The following MARCHF1 variants were observed in gnomAD, a reference collection of about 807,000 sequenced individuals.
The protein encoded by MARCHF1 is membrane associated ring-CH-type finger 1, also known as E3 ubiquitin-protein ligase MARCHF1.
In MARCHF1, 40 loss-of-function variants were observed where a neutral mutation model predicts 54.2. The ratio of observed to expected loss-of-function variants is 0.74; its 90% CI spans 0.57 to 0.96. The LOEUF (loss-of-function observed/expected upper bound fraction) is 0.96, where lower values mean the gene tolerates loss of function less well. Among genes scored for constraint, MARCHF1 ranks in the 40% least tolerant of loss-of-function variants. The pLI is 0.00. For synonymous variants in MARCHF1, 236 were observed against 236.3 expected (o/e 1.00, Z 0.01); for missense variants, 586 against 656.5 (o/e 0.89, Z 1.17).
intron 3 of MARCHF1, among the ~76,000 whole-genome samples, chr4:163,944,450 G>C (rs1178524826): frequency 6.6e-6 from 1 of 152,158 alleles, no homozygotes; most frequent in Non-Finnish European, 1.5e-5. Context: ...AAGTGAGCAA[G>C]GTAACAGGAT....
At chr4:163,688,454 A>C (rs892668508) in intron 5 of MARCHF1, among the ~76,000 whole-genome samples, 1 of 152,196 alleles carries the variant, frequency 6.6e-6, no homozygotes, top group African/African-American at 2.4e-5. Context: ...CCTTTGAGTG[A>C]TCAATCTTTA....
intron 4 of MARCHF1, among the ~76,000 whole-genome samples, chr4:163,851,532 G>A (rs572559217): frequency 6.6e-6 from 1 of 152,230 alleles, no homozygotes; most frequent in Non-Finnish European, 1.5e-5. Flanking sequence ...GCTAACCAGA[G>A]ATCACGGATT....
At chr4:163,579,215 G>A (rs1054201219) in intron 8 of MARCHF1, among the ~76,000 whole-genome samples, 1 of 152,054 alleles carries the variant, frequency 6.6e-6, no homozygotes, top group Non-Finnish European at 1.5e-5. Context: ...ATAATTATTT[G>A]ATACATGTTG....
chr4:163,837,964 T>G (rs1384583675), intron 4 of MARCHF1, among the ~76,000 whole-genome samples: 2 of 152,128 alleles, frequency 1.3e-5, no homozygotes, highest in Non-Finnish European at 2.9e-5. Context: ...ACTAAAAACA[T>G]TCTTCAAAGT....
intron 1 of MARCHF1, among the ~76,000 whole-genome samples, chr4:164,185,836 T>C (rs1364133522): frequency 6.6e-6 from 1 of 151,722 alleles, no homozygotes; most frequent in East Asian, 1.9e-4. Context: ...CAAGACAATA[T>C]TTAAAGTTCT....
chr4:164,235,764 A>T (rs1732534417), intron 1 of MARCHF1, among the ~76,000 whole-genome samples: 1 of 151,474 alleles, frequency 6.6e-6, no homozygotes, highest in Non-Finnish European at 1.5e-5. Context: ...CCTGGGGATA[A>T]AAAAAACCAG....
intron 4 of MARCHF1, among the ~76,000 whole-genome samples, chr4:163,848,412 TG>T (rs1271927319): frequency 6.6e-6 from 1 of 152,168 alleles, no homozygotes; most frequent in Non-Finnish European, 1.5e-5. Context: ...ATTATAGGAG[TG>T]TAATTTTCTC....
intron 2 of MARCHF1, among the ~76,000 whole-genome samples, chr4:164,046,334 A>G (rs1754243489): frequency 6.6e-6 from 1 of 152,262 alleles, no homozygotes; most frequent in African/African-American, 2.4e-5. Context: ...AAAAGCTGTC[A>G]GTGTCTCTTC....
rs35995273 is a variant in MARCHF1 at position 164,172,980 on chromosome 4, CA to C, written c.-322-61319del. Among the ~76,000 whole-genome samples the C allele has an allele frequency of 2.5e-3, 314 of 127,754 alleles. 4 individuals carry two copies. Among genetic ancestry groups the C allele is most frequent in the African/African-American group, 9.2e-3 (291 of 31,730 alleles). The allele number at this position is 127,754 out of a possible 152,430, so 83.8% of individuals were successfully genotyped here. ...TGGGCTACAGAGCGAGACTCCGTCT[CA>C]AAAAAAAAAAAAAAAGTCACTGTAA... On this transcript the variant is annotated intron_variant, in intron 1 of 9. Transcript: ENST00000514618.
chr4:163,569,986 G>A (rs369735934), intron 8 of MARCHF1, among the ~76,000 whole-genome samples: 6 of 152,108 alleles, frequency 3.9e-5, no homozygotes, highest in African/African-American at 1.4e-4. Flanking sequence ...TTTTTAAAAT[G>A]AACTCCTGAA....
At chr4:163,774,428 T>C (rs1193777179) in intron 4 of MARCHF1, among the ~76,000 whole-genome samples, 1 of 151,942 alleles carries the variant, frequency 6.6e-6, no homozygotes, top group Non-Finnish European at 1.5e-5. Flanking sequence ...AAGAAAAATA[T>C]TATAATAGGG....
chr4:163,637,424 T>C, intron 5 of MARCHF1, among the ~76,000 whole-genome samples: 1 of 151,718 alleles, frequency 6.6e-6, no homozygotes, highest in African/African-American at 2.4e-5. Flanking sequence ...CATCAAAAAG[T>C]GGGCGAAGGA....
intron 1 of MARCHF1, among the ~76,000 whole-genome samples, chr4:164,309,984 C>CT (rs968063301): frequency 1.2e-3 from 186 of 151,134 alleles, no homozygotes; most frequent in African/African-American, 4.3e-3. Flanking sequence ...AATCATGTTC[C>CT]TTTTTTTTAA....
intron 4 of MARCHF1, among the ~76,000 whole-genome samples, chr4:163,738,694 C>T (rs1237738604): frequency 1.3e-5 from 2 of 152,132 alleles, no homozygotes; most frequent in African/African-American, 4.8e-5. Context: ...TAATGCAAAG[C>T]AGAACAGAAT....
intron 5 of MARCHF1, among the ~76,000 whole-genome samples, chr4:163,620,047 T>G (rs541562169): frequency 2.3e-4 from 35 of 152,288 alleles, no homozygotes; most frequent in African/African-American, 8.4e-4. Context: ...TCTCTAGTAT[T>G]TGGAGATCTT....
At chr4:163,980,530 A>T (rs907470397) in intron 3 of MARCHF1, among the ~76,000 whole-genome samples, 1 of 152,096 alleles carries the variant, frequency 6.6e-6, no homozygotes, top group African/African-American at 2.4e-5. Context: ...ATCTAATTAA[A>T]CTAAAGAGCT....
Position 163,787,457 on chromosome 4 carries a change from C to A in MARCHF1, c.111+66564G>T, listed in dbSNP as rs577591842. Reference sequence around the variant, plus strand: ...TCAGAGAAGACATACAAATAGCCAACAAACACTTGTAAAGATGCTTGACAC... The same window carrying A: ...TCAGAGAAGACATACAAATAGCCAAAAAACACTTGTAAAGATGCTTGACAC... On this transcript the variant is annotated intron_variant, in intron 4 of 9. Coordinates refer to ENST00000514618, the MANE Select transcript of MARCHF1 (RefSeq NM_001394959.1). Among the ~76,000 whole-genome samples, 4 of 151,622 alleles carry A rather than the reference C, an allele frequency of 2.6e-5. No individual in the cohort carries two copies. In the South Asian group the frequency reaches 8.3e-4, roughly 32 times the overall value.
chr4:164,336,755 T>C (rs1729752847), intron 1 of MARCHF1, among the ~76,000 whole-genome samples: 1 of 152,208 alleles, frequency 6.6e-6, no homozygotes, highest in African/African-American at 2.4e-5. Context: ...TTCTTGTTAG[T>C]ATTAACTGAA....
Position 164,160,332 on chromosome 4 carries a change from C to T in MARCHF1, c.-322-48670G>A, listed in dbSNP as rs182669788. Among the ~76,000 whole-genome samples the T allele has an allele frequency of 3.3e-4, 50 of 152,164 alleles. 1 individual carries two copies. The East Asian group carries it at 9.1e-3, about 28-fold the overall frequency. Reference sequence around the variant, plus strand: ...CCTCCTAGGTTACAAACCTGTATAGCATGTGACTCTACTGAATGCTATAGG... The same window carrying T: ...CCTCCTAGGTTACAAACCTGTATAGTATGTGACTCTACTGAATGCTATAGG... On this transcript the variant is annotated intron_variant, in intron 1 of 9. Transcript: ENST00000514618.
Sources: allele counts gnomAD v4.1 joint callset (sites outside exome capture counted in the v4.1 genomes callset), GRCh38; gene constraint gnomAD v4.1.1; transcripts MANE v1.5; gene names NCBI Gene and HGNC (gene_info 2026-07-23, HGNC 2026-07-21).